AFDN: variants seen among roughly 807,000 people sequenced by gnomAD.
The protein encoded by AFDN is afadin, adherens junction formation factor, also known as afadin.
Under a neutral mutation model 216.6 loss-of-function variants are expected in AFDN, and 68 were observed. The ratio of observed to expected loss-of-function variants is 0.31; its 90% confidence interval spans 0.26 to 0.38. The LOEUF is 0.38. Ranked by LOEUF, AFDN falls within the 10% of genes least tolerant of loss-of-function variation. AFDN has a pLI of 1.00. For missense variants in AFDN, 2,136 were observed against 2,342.0 expected (o/e 0.91, Z 1.82); for synonymous variants, 868 against 853.7 (o/e 1.02, Z -0.29).
At chr6:167,911,534 G>C (rs1562656869) in intron 15 of AFDN, 45 bp downstream of exon 15, 1 of 1,567,560 alleles carries the variant, frequency 6.4e-7, no homozygotes, top group South Asian at 1.1e-5. Flanking sequence ...GATTGTGGTT[G>C]TAATTGCTAA....
chr6:167,861,190 T>G (rs1194410092), intron 1 of AFDN, among the ~76,000 whole-genome samples: 1 of 152,202 alleles, frequency 6.6e-6, no homozygotes, highest in Non-Finnish European at 1.5e-5. Context: ...TGTGGAATTA[T>G]TCACAACAGC....
At chr6:167,953,348 T>C (rs1183528865) in intron 30 of AFDN, among the ~76,000 whole-genome samples, 1 of 152,204 alleles carries the variant, frequency 6.6e-6, no homozygotes, top group East Asian at 1.9e-4. Flanking sequence ...AGCCCAGTAG[T>C]GTGATTCTTT....
At chr6:167,923,585 C>G (rs1399783422) in intron 22 of AFDN, among the ~76,000 whole-genome samples, 1 of 147,186 alleles carries the variant, frequency 6.8e-6, no homozygotes, top group African/African-American at 2.5e-5. Flanking sequence ...TAGATGATCA[C>G]ATTGAACTAC....
intron 1 of AFDN, among the ~76,000 whole-genome samples, chr6:167,838,862 C>G (rs1170996075): frequency 6.6e-6 from 1 of 152,166 alleles, no homozygotes; most frequent in Admixed American, 6.5e-5. Flanking sequence ...CACATATTAG[C>G]CTACCTGATA....
chr6:167,848,794 A>G (rs1781978113), intron 1 of AFDN, among the ~76,000 whole-genome samples: 1 of 152,184 alleles, frequency 6.6e-6, no homozygotes, highest in Non-Finnish European at 1.5e-5. Flanking sequence ...ATGTTTTCAT[A>G]TGTTCATCTA....
chr6:167,912,071 A>G (rs1790473672), intron 15 of AFDN: 1 of 154,846 alleles, frequency 6.5e-6, no homozygotes, highest in African/African-American at 2.4e-5. Context: ...GTGTAGGTGT[A>G]ATGGACATTG....
chr6:167,869,152 T>C (rs1441928682), intron 2 of AFDN, among the ~76,000 whole-genome samples: 1 of 152,030 alleles, frequency 6.6e-6, no homozygotes, highest in Non-Finnish European at 1.5e-5. Context: ...ATTCTGACTG[T>C]GAGGTGATGT....
At position 167,966,089 on chromosome 6, in the gene AFDN, T is replaced by C. The variant is rs115899002; in HGVS notation, c.5257+44T>C. ...GCACAAGAAAGTCTCATGGGGACCTTCTTCCTGCCCCTCTTAAACCACGGC... is the reference window on the plus strand; with the variant it reads ...GCACAAGAAAGTCTCATGGGGACCTCCTTCCTGCCCCTCTTAAACCACGGC... On this transcript the variant is annotated intron_variant, in intron 32 of 33. Coordinates refer to ENST00000683244, the MANE Select transcript of AFDN (RefSeq NM_001386888.1). The C allele has an allele frequency of 1.7e-3, 2,610 of 1,537,434 alleles. 45 individuals carry two copies. In the African/African-American group the frequency reaches 0.029, roughly 17 times the overall value.
Position 167,872,368 on chromosome 6 carries a change from G to A in AFDN, c.569G>A (p.Gly190Glu), listed in dbSNP as rs1186652949. 1 of 1,606,302 alleles carries A rather than the reference G, an allele frequency of 6.2e-7. No individual in the cohort carries two copies. The highest frequency in any genetic ancestry group is 1.1e-5 in the South Asian group (1 of 88,796). The change falls in exon 4 of 34, where the codon GGG (glycine) becomes GAG (glutamate). Residue 190 changes from glycine (G) to glutamate (E), a missense_variant. Around this residue, in one of 8 missense-constraint regions of AFDN, gnomAD observed 817 missense variants for 965.7 expected, o/e 0.85. Transcript: ENST00000683244. Reference protein sequence around the residue: ...ASDKDDRPFQGEDVENSRLAA... With the variant: ...ASDKDDRPFQEEDVENSRLAA... ...GATAAAGATGATAGACCTTTCCAAG[G>A]GGAGGATGTGTAAGTCAGTTTTGGA...
At chr6:167,949,942 G>A (rs1248726482) in intron 29 of AFDN, among the ~76,000 whole-genome samples, 1 of 152,166 alleles carries the variant, frequency 6.6e-6, no homozygotes, top group African/African-American at 2.4e-5. Flanking sequence ...GGGTTTAAGC[G>A]AGGAGGTGGA....
Position 167,947,834 on chromosome 6 carries a change from TC to T in AFDN, c.3554-13del, listed in dbSNP as rs11365278. ...TTATTTAATATTACACTTTTTTTTTTCCCCCCTGACTTGAGCAGATCAGCCT... is the reference window on the plus strand; with the variant it reads ...TTATTTAATATTACACTTTTTTTTTTCCCCCTGACTTGAGCAGATCAGCCT... On this transcript the variant is annotated intron_variant, in intron 27 of 33. Transcript: ENST00000683244. 3,272 of 1,317,210 alleles carry T rather than the reference TC, an allele frequency of 2.5e-3. 35 individuals are homozygous for T. In the African/African-American group the frequency reaches 0.035, roughly 14 times the overall value. 81.6% of individuals were successfully genotyped at this position (1,317,210 alleles called of 1,614,324 possible). A position where few individuals can be genotyped will look rare whatever the true frequency, so the allele number is the denominator to read the frequency against.
At chr6:167,955,867 GCA>G (rs1796450298) in intron 30 of AFDN, among the ~76,000 whole-genome samples, 1 of 152,006 alleles carries the variant, frequency 6.6e-6, no homozygotes, top group Non-Finnish European at 1.5e-5. Flanking sequence ...TGTAATCCCA[GCA>G]CTTTGGGAGG....
chr6:167,937,680 G>A (rs1284945356), intron 23 of AFDN, among the ~76,000 whole-genome samples: 1 of 152,232 alleles, frequency 6.6e-6, no homozygotes, highest in Non-Finnish European at 1.5e-5. Context: ...AAAATAGAAT[G>A]TGTCTTATTT....
intron 23 of AFDN, among the ~76,000 whole-genome samples, chr6:167,931,273 AT>A (rs1440473096): frequency 1.3e-5 from 2 of 152,132 alleles, no homozygotes; most frequent in African/African-American, 2.4e-5. Flanking sequence ...TGGAGGTGTG[AT>A]TTACAAAGGC....
Position 167,888,920 on chromosome 6 carries a change from G to C in AFDN, c.898-295G>C, listed in dbSNP as rs138536949. Among the ~76,000 whole-genome samples the C allele has an allele frequency of 9.2e-3, 1,393 of 152,094 alleles. 21 individuals are homozygous for C. Among genetic ancestry groups the C allele is most frequent in the African/African-American group, 0.032 (1,341 of 41,490 alleles). ...AAATTACACAGAAGTTAACCATTACGTACTGCCGTACTGCCTTTCCATATA... is the reference window on the plus strand; with the variant it reads ...AAATTACACAGAAGTTAACCATTACCTACTGCCGTACTGCCTTTCCATATA... On this transcript the variant is annotated intron_variant, in intron 6 of 33. Transcript: ENST00000683244.
chr6:167,880,592 ACCTAGATTTTCAG>A (rs1206194908), intron 6 of AFDN, 75 bp downstream of exon 6: 413 of 1,430,990 alleles, frequency 2.9e-4, no homozygotes, highest in Non-Finnish European at 3.9e-4. Flanking sequence ...ATCAAATTAA[ACCTAGATTTTCAG>A]CCTACCATAT....
At chr6:167,841,263 G>A (rs573531645) in intron 1 of AFDN, among the ~76,000 whole-genome samples, 4 of 152,194 alleles carry the variant, frequency 2.6e-5, no homozygotes, top group Non-Finnish European at 4.4e-5. Context: ...AGGTACTTGT[G>A]GATTTCCCAG....
In AFDN at chr6:167,827,246, CG is replaced by C; in HGVS notation, c.105+10del. ...TCAGCCAGCCGACCGAGGTGAGCAC[CG>C]CCGGGCGCGGGGCCTGCGCGACCCC... On this transcript the variant is annotated intron_variant, in intron 1 of 33. Transcript: ENST00000683244. 1 of 1,130,630 alleles carries C rather than the reference CG, an allele frequency of 8.8e-7. No homozygotes were observed. The highest frequency in any genetic ancestry group is 2.0e-5 in the South Asian group (1 of 49,972). The allele number at this position is 1,130,630 out of a possible 1,614,324, so 70.0% of individuals were successfully genotyped here. A position where few individuals can be genotyped will look rare whatever the true frequency, so the allele number is the denominator to read the frequency against.
intron 29 of AFDN, among the ~76,000 whole-genome samples, 195 bp from the exon 30 acceptor site, chr6:167,950,991 T>TC (rs1795912554): frequency 6.6e-6 from 1 of 151,958 alleles, no homozygotes; most frequent in East Asian, 1.9e-4. Flanking sequence ...GCCACCACGC[T>TC]TGGCCGCTTT....
Sources: gnomAD v4.1 joint callset for allele counts (sites outside exome capture counted in the v4.1 genomes callset) on GRCh38, gnomAD v4.1.1 for gene constraint, gnomAD v4.1.1 regional missense constraint, MANE v1.5 for transcripts, NCBI Gene and HGNC (gene_info 2026-07-23, HGNC 2026-07-21) for gene names.